The following GSTCD variants were observed in gnomAD, a reference collection of about 807,000 sequenced individuals.
GSTCD encodes glutathione S-transferase C-terminal domain containing.
In GSTCD, 44 loss-of-function variants were observed where a neutral mutation model predicts 68.3. The ratio of observed to expected loss-of-function variants is 0.64; its 90% CI spans 0.51 to 0.83. The LOEUF is 0.83. Ranked by LOEUF, GSTCD falls within the 40% of genes least tolerant of loss-of-function variation. The pLI, the probability that GSTCD is intolerant of heterozygous loss-of-function variation, is 0.00. For missense variants in GSTCD, 739 were observed against 735.9 expected, an observed-to-expected ratio of 1.00 and a Z score of -0.05; for synonymous variants, 273 against 255.2, an observed-to-expected ratio of 1.07 and a Z score of -0.67.
At chr4:105,718,076 C>T (rs762309061) in intron 2 of GSTCD, 37 bp downstream of exon 2, 4 of 1,467,576 alleles carry the variant, frequency 2.7e-6, no homozygotes, top group Non-Finnish European at 3.7e-6. Flanking sequence ...TTTGAAGCTA[C>T]ACAGTGATAA....
intron 3 of GSTCD, among the ~76,000 whole-genome samples, chr4:105,723,343 G>A (rs2149208063): frequency 6.6e-6 from 1 of 151,526 alleles, no homozygotes. Context: ...CATATCCATT[G>A]GTTCTGTATT....
intron 11 of GSTCD, 136 bp from the exon 12 acceptor site, chr4:105,845,305 A>G: frequency 1.3e-6 from 1 of 797,938 alleles, no homozygotes; most frequent in Non-Finnish European, 1.9e-6. Flanking sequence ...ATTGAAAGAA[A>G]CTAAACAAGA....
At chr4:105,742,707 C>CTTTTTT (rs70941211) in intron 5 of GSTCD, among the ~76,000 whole-genome samples, 1 of 130,398 alleles carries the variant, frequency 7.7e-6, no homozygotes, top group Non-Finnish European at 1.7e-5. Flanking sequence ...GTTGTTTTTA[C>CTTTTTT]TTTTTTTTTT....
At chr4:105,771,199 C>T (rs1029473558) in intron 5 of GSTCD, among the ~76,000 whole-genome samples, 9 of 151,826 alleles carry the variant, frequency 5.9e-5, no homozygotes, top group Non-Finnish European at 7.4e-5. Flanking sequence ...GCATATACTT[C>T]GCCAACTTTT....
intron 5 of GSTCD, among the ~76,000 whole-genome samples, chr4:105,740,127 C>T (rs1371665899): frequency 6.6e-6 from 1 of 152,008 alleles, no homozygotes; most frequent in African/African-American, 2.4e-5. Flanking sequence ...TTCCAGTTTG[C>T]AGATGGCATT....
chr4:105,812,646 G>C (rs950552145), intron 5 of GSTCD, among the ~76,000 whole-genome samples: 1 of 152,128 alleles, frequency 6.6e-6, no homozygotes, highest in Non-Finnish European at 1.5e-5. Flanking sequence ...ATTAAGGTAA[G>C]TCTTGAATAT....
At chr4:105,758,747 G>C (rs1013508598) in intron 5 of GSTCD, among the ~76,000 whole-genome samples, 2 of 152,110 alleles carry the variant, frequency 1.3e-5, no homozygotes, top group African/African-American at 2.4e-5. Flanking sequence ...ATTACATATT[G>C]CTAAACTGAT....
intron 5 of GSTCD, among the ~76,000 whole-genome samples, chr4:105,742,952 CTT>C (rs1206679533): frequency 1.6e-4 from 22 of 139,628 alleles, no homozygotes; most frequent in South Asian, 2.3e-4. Context: ...ATTTCTCTCT[CTT>C]TTTTTTTTTT....
At chr4:105,732,178 T>G (rs1240390587) in intron 5 of GSTCD, among the ~76,000 whole-genome samples, 2 of 152,252 alleles carry the variant, frequency 1.3e-5, no homozygotes, top group Non-Finnish European at 2.9e-5. Flanking sequence ...TCTGCCAGGC[T>G]TTGGTATCAG....
chr4:105,842,130 C>G lies in GSTCD; in HGVS notation c.1761C>G (p.Leu587=). The stretch of plus-strand genomic sequence containing the variant: ...TCCAGCTCCCACCCCAACGAAGGCT[C>G]ATAGGTATGTGTTTTCACAGAGCAG... The part of the protein sequence containing the change: ...TAVQLPPQRR[L]IGKQCMCLVD... The change falls in exon 11 of 12, where the codon CTC becomes CTG. Residue 587 remains leucine (L), a synonymous_variant. Transcript: ENST00000515279. 8 of 1,612,928 alleles carry G rather than the reference C, an allele frequency of 5.0e-6. No homozygotes were observed. The highest frequency in any genetic ancestry group is 1.7e-6 in the Non-Finnish European group (2 of 1,178,962).
rs545828396 is a variant in GSTCD, at chr4:105,795,311, A to G, written c.1241-27643A>G. 5.3e-5 allele frequency among the ~76,000 whole-genome samples: 8 copies of G among 150,826 alleles called. No individual in the cohort carries two copies. In the East Asian group the frequency reaches 1.6e-3, roughly 30 times the overall value. ...CCTGCTTTGGTTGTATCTCATAAGTATTGATATATCATGTTCTCCTTGTTC... is the reference window on the plus strand; with the variant it reads ...CCTGCTTTGGTTGTATCTCATAAGTGTTGATATATCATGTTCTCCTTGTTC... On this transcript the variant is annotated intron_variant, in intron 5 of 11. Coordinates refer to ENST00000515279, the MANE Select transcript of GSTCD (RefSeq NM_001370181.1).
At chr4:105,827,091 GA>G (rs1180315397) in intron 8 of GSTCD, 1 of 152,040 alleles carries the variant, frequency 6.6e-6, no homozygotes, top group Non-Finnish European at 1.5e-5. Context: ...ATGTAATCTA[GA>G]AAATTCAAAT....
intron 5 of GSTCD, among the ~76,000 whole-genome samples, chr4:105,763,969 T>G (rs1234797296): frequency 1.3e-5 from 2 of 152,136 alleles, no homozygotes; most frequent in Non-Finnish European, 2.9e-5. Context: ...AGTTTCAGAA[T>G]CATTGTTTGG....
At chr4:105,710,232 A>ATTTTTTTTTTTTTTTTTTTTTTTTTTTT (rs761574598) in intron 1 of GSTCD, among the ~76,000 whole-genome samples, 5 of 85,722 alleles carry the variant, frequency 5.8e-5, no homozygotes, top group East Asian at 3.4e-4. Context: ...GGGCCCATCA[A>ATTTTTTTTTTTTTTTTTTTTTTTTTTTT]TTTTTTTTTT....
At chr4:105,829,098 A>G (rs1723789034) in intron 8 of GSTCD, among the ~76,000 whole-genome samples, 1 of 151,752 alleles carries the variant, frequency 6.6e-6, no homozygotes, top group Non-Finnish European at 1.5e-5. Context: ...AACCAGGATC[A>G]TTTCCACAAT....
intron 5 of GSTCD, among the ~76,000 whole-genome samples, chr4:105,754,530 G>A (rs780091299): frequency 2.5e-4 from 38 of 152,046 alleles, no homozygotes; most frequent in Non-Finnish European, 5.0e-4. Flanking sequence ...ACTGTATTCT[G>A]TACACAAAAA....
intron 5 of GSTCD, among the ~76,000 whole-genome samples, chr4:105,777,918 A>G (rs572840670): frequency 2.1e-4 from 32 of 152,288 alleles, no homozygotes; most frequent in African/African-American, 7.5e-4. Flanking sequence ...ACTCTTACAA[A>G]TCACTCAGTG....
At chr4:105,782,508 CA>C (rs1350757337) in intron 5 of GSTCD, among the ~76,000 whole-genome samples, 1 of 151,962 alleles carries the variant, frequency 6.6e-6, no homozygotes, top group Non-Finnish European at 1.5e-5. Context: ...CAAAACAAAA[CA>C]AAACAACCAC....
At chr4:105,728,041 T>G (rs2149211286) in intron 4 of GSTCD, among the ~76,000 whole-genome samples, 1 of 152,330 alleles carries the variant, frequency 6.6e-6, no homozygotes, top group East Asian at 1.9e-4. Context: ...CTCTGTGGCC[T>G]ATTGATTAAG....
Sources: allele counts gnomAD v4.1 joint callset (sites outside exome capture counted in the v4.1 genomes callset), GRCh38; gene constraint gnomAD v4.1.1; transcripts MANE v1.5; gene names NCBI Gene and HGNC (gene_info 2026-07-23, HGNC 2026-07-21).